Variants in PRMT8 observed in about 807,000 individuals in gnomAD.
The protein encoded by PRMT8 is protein arginine N-methyltransferase 8.
Under a neutral mutation model 47.1 loss-of-function variants are expected in PRMT8, and 7 were observed. The observed-to-expected ratio is 0.15, with a 90% confidence interval of 0.08 to 0.28. The LOEUF is 0.28. Ranked by LOEUF, PRMT8 falls within the 10% of genes least tolerant of loss-of-function variation. The pLI, the probability that PRMT8 is intolerant of heterozygous loss-of-function variation, is 1.00. For synonymous variants in PRMT8, 188 were observed against 186.5 expected (o/e 1.01, Z -0.07); for missense variants, 237 against 505.4 (o/e 0.47, Z 5.09).
At position 3,513,849 on chromosome 12, in the gene PRMT8, C is replaced by A. The variant is rs1031727172; in HGVS notation, c.75+22149C>A. ...ATTTTAGTTCAGTTCATTGCCTCAG[C>A]AGATCCATTCCCTACAGTATGTTAT... On this transcript the variant is annotated intron_variant, in intron 1 of 9. Transcript: ENST00000382622. Among the ~76,000 whole-genome samples the A allele has an allele frequency of 2.0e-5, 3 of 152,232 alleles. No individual in the cohort carries two copies. In the East Asian group the frequency reaches 5.8e-4, roughly 29 times the overall value.
At chr12:3,485,768 A>G (rs1480355232) in intron 1 of PRMT8, among the ~76,000 whole-genome samples, 1 of 152,248 alleles carries the variant, frequency 6.6e-6, no homozygotes, top group Admixed American at 6.5e-5. Flanking sequence ...GGTCTTATAT[A>G]TATTTGCATG....
chr12:3,520,147 A>G lies in PRMT8; in HGVS notation c.76-20459A>G, dbSNP rs553254188. ...AGGAAAAGCCACTGAGTCCCCTCCC[A>G]GAGTGGGGACAAACCGGAGACCCTT... On this transcript the variant is annotated intron_variant, in intron 1 of 9. Coordinates refer to ENST00000382622, the MANE Select transcript of PRMT8 (RefSeq NM_019854.5). Among the ~76,000 whole-genome samples, 6 of 152,350 alleles carry G rather than the reference A, an allele frequency of 3.9e-5. No homozygotes were observed. The South Asian group carries it at 1.2e-3, about 32-fold the overall frequency.
Position 3,518,995 on chromosome 12 carries a change from A to G in PRMT8, c.76-21611A>G, listed in dbSNP as rs577434308. On this transcript the variant is annotated intron_variant, in intron 1 of 9. Transcript: ENST00000382622. ...TCAAAAGGCTTTTGTAAGAAGAGAA[A>G]AAAAGTTTAGCTGCTGACCCTGAAG... Among the ~76,000 whole-genome samples, 9 of 152,348 alleles carry G rather than the reference A, an allele frequency of 5.9e-5. No homozygotes were observed. The South Asian group carries it at 1.9e-3, about 32-fold the overall frequency.
chr12:3,541,765 C>T lies in PRMT8; in HGVS notation c.261+974C>T, dbSNP rs371671693. Among the ~76,000 whole-genome samples the T allele has an allele frequency of 7.2e-5, 11 of 152,230 alleles. 1 individual carries two copies. Among genetic ancestry groups the T allele is most frequent in the Non-Finnish European group, 7.4e-5 (5 of 68,012 alleles). On this transcript the variant is annotated intron_variant, in intron 2 of 9. Transcript: ENST00000382622. ...AGCCAGCTCTTTTGTTTGTTTGTTT[C>T]GTTTTAGTGCTTACTACGTGCTGGT... is the stretch of plus-strand genomic sequence containing the variant.
At position 3,593,244 on chromosome 12, in the gene PRMT8, G is replaced by A. The variant is rs953827803; in HGVS notation, c.*62G>A. 38 of 1,396,826 alleles carry A rather than the reference G, an allele frequency of 2.7e-5. No homozygotes were observed. Among genetic ancestry groups the A allele is most frequent in the South Asian group, 8.4e-5 (7 of 83,092 alleles). 86.5% of individuals were successfully genotyped at this position (1,396,826 alleles called of 1,614,324 possible). A position where few individuals can be genotyped will look rare whatever the true frequency, so the allele number is the denominator to read the frequency against. ...AACTCTCACCTCGATCTGCCGTGCC[G>A]TCCCAAAGAATACCGTTTGCAGGAC... On this transcript the variant is annotated 3_prime_UTR_variant, in exon 10 of 10. Coordinates refer to ENST00000382622, the MANE Select transcript of PRMT8 (RefSeq NM_019854.5). The surrounding 1 kb of genome is among the most constrained non-coding windows in gnomAD (Gnocchi z 4.8).
chr12:3,590,560 A>G (rs1229124097), intron 8 of PRMT8, among the ~76,000 whole-genome samples: 1 of 151,744 alleles, frequency 6.6e-6, no homozygotes, highest in Non-Finnish European at 1.5e-5. Context: ...AAGTCTTTCC[A>G]TGTGACAGCT....
At chr12:3,400,429 G>A (rs761543252) in intron 1 of PRMT8, among the ~76,000 whole-genome samples, 4 of 152,066 alleles carry the variant, frequency 2.6e-5, no homozygotes, top group Non-Finnish European at 5.9e-5. Flanking sequence ...TTAATTCCTG[G>A]ACACATACAC....
At chr12:3,474,684 A>G (rs1308427904) in intron 1 of PRMT8, among the ~76,000 whole-genome samples, 2 of 152,206 alleles carry the variant, frequency 1.3e-5, no homozygotes, top group African/African-American at 4.8e-5. Context: ...CTAAGCAGCA[A>G]GATGAGCTGC....
chr12:3,546,894 G>A (rs1169343633), intron 2 of PRMT8, among the ~76,000 whole-genome samples: 3 of 152,096 alleles, frequency 2.0e-5, no homozygotes, highest in Non-Finnish European at 4.4e-5. Flanking sequence ...TTATGAATAT[G>A]CAACAAAATA....
rs1001064808 is a variant in PRMT8 at position 3,493,977 on chromosome 12, G to A, written c.75+2277G>A. On this transcript the variant is annotated intron_variant, in intron 1 of 9. Coordinates refer to ENST00000382622, the MANE Select transcript of PRMT8 (RefSeq NM_019854.5). This position sits in a 1 kb window ranked among gnomAD's most constrained non-coding sequence, Gnocchi z 8.2. ...TGCCTAGCGGAGGCATCCAGGCAGC[G>A]TGACAATCACTTGGTTTCCCTCCAG... Among the ~76,000 whole-genome samples the A allele has an allele frequency of 6.6e-6, 1 of 152,242 alleles. No individual in the cohort carries two copies. Among genetic ancestry groups the A allele is most frequent in the Non-Finnish European group, 1.5e-5 (1 of 68,040 alleles).
rs1591605120 is a variant in PRMT8 at position 3,564,331 on chromosome 12, T to C, written c.482-4375T>C. Among the ~76,000 whole-genome samples the C allele has an allele frequency of 6.6e-6, 1 of 152,196 alleles. No individual in the cohort carries two copies. Among genetic ancestry groups the C allele is most frequent in the East Asian group, 1.9e-4 (1 of 5,184 alleles). On this transcript the variant is annotated intron_variant, in intron 4 of 9. Transcript: ENST00000382622. This position sits in a 1 kb window ranked among gnomAD's most constrained non-coding sequence, Gnocchi z 4.0. ...AAAAATGATCACTAACTTCAGATCC[T>C]ACGGGCATCAGCTGACCCTGATGGA...
At chr12:3,507,107 C>G (rs1043123457) in intron 1 of PRMT8, among the ~76,000 whole-genome samples, 1 of 148,734 alleles carries the variant, frequency 6.7e-6, no homozygotes, top group East Asian at 2.0e-4. Context: ...TAAAGTAAAG[C>G]GGTGGCCTTT....
chr12:3,570,755 C>A lies in PRMT8; in HGVS notation c.712+1191C>A, dbSNP rs1435735889. ...TAAACTCAAAGTGTGAAGTTCAGAG[C>A]CAGGTTCAGAAGAAGACAAAAGTGG... On this transcript the variant is annotated intron_variant, in intron 6 of 9. Transcript: ENST00000382622. This position sits in a 1 kb window ranked among gnomAD's most constrained non-coding sequence, Gnocchi z 5.5. 6.6e-6 allele frequency among the ~76,000 whole-genome samples: 1 copy of A among 152,166 alleles called. No individual in the cohort carries two copies. The highest frequency in any genetic ancestry group is 6.5e-5 in the Admixed American group (1 of 15,280).
chr12:3,478,307 T>TCTCC (rs1865238172), intron 1 of PRMT8, among the ~76,000 whole-genome samples: 1 of 135,618 alleles, frequency 7.4e-6, no homozygotes, highest in African/African-American at 2.8e-5. Flanking sequence ...TATCTATCTA[T>TCTCC]CTACCTACCT....
chr12:3,429,338 C>T (rs1463184974), intron 1 of PRMT8, among the ~76,000 whole-genome samples: 2 of 152,182 alleles, frequency 1.3e-5, no homozygotes, highest in Non-Finnish European at 1.5e-5. Context: ...TTCCTGGTGT[C>T]ATGGTAACAC....
At chr12:3,518,111 C>T (rs1865824548) in intron 1 of PRMT8, among the ~76,000 whole-genome samples, 1 of 151,604 alleles carries the variant, frequency 6.6e-6, no homozygotes, top group South Asian at 2.1e-4. Flanking sequence ...CACGCTTGCC[C>T]CCCTCACCAT....
At chr12:3,560,189 C>T (rs1041870155) in intron 4 of PRMT8, among the ~76,000 whole-genome samples, 1 of 152,216 alleles carries the variant, frequency 6.6e-6, no homozygotes, top group African/African-American at 2.4e-5. Context: ...CAGAGGAGGA[C>T]AGCTTGGCTG....
At chr12:3,432,080 C>T (rs1050166036) in intron 1 of PRMT8, among the ~76,000 whole-genome samples, 3 of 152,076 alleles carry the variant, frequency 2.0e-5, no homozygotes, top group Admixed American at 6.5e-5. Flanking sequence ...GAAGGGGTTG[C>T]GAGGAGACGT....
At chr12:3,581,388 A>G (rs7976970) in intron 7 of PRMT8, among the ~76,000 whole-genome samples, 39,117 of 152,036 alleles carry the variant, frequency 0.26, 5,292 homozygotes, top group Middle Eastern at 0.39. Context: ...TTAGTTTTGA[A>G]GAAGGACCTA....
Sources: gnomAD v4.1 joint callset for allele counts (sites outside exome capture counted in the v4.1 genomes callset) on GRCh38, gnomAD v4.1.1 for gene constraint, Gnocchi (gnomAD v3.1) non-coding constraint, MANE v1.5 for transcripts, NCBI Gene and HGNC (gene_info 2026-07-23, HGNC 2026-07-21) for gene names.